The following MOG variants were observed in gnomAD, a reference collection of about 807,000 sequenced individuals.
MOG encodes myelin oligodendrocyte glycoprotein.
Under a neutral mutation model 35.9 loss-of-function variants are expected in MOG, and 20 were observed. The ratio of observed to expected loss-of-function variants is 0.56; its 90% CI spans 0.39 to 0.81. The LOEUF (loss-of-function observed/expected upper bound fraction) is 0.81. Ranked by LOEUF, MOG falls within the 30% of genes least tolerant of loss-of-function variation. The pLI is 0.00. For missense variants in MOG, 251 were observed against 301.0 expected (o/e 0.83, Z 1.23); for synonymous variants, 92 against 114.3 (o/e 0.80, Z 1.25).
At chr6:29,660,456 G>A (rs2535262) in intron 2 of MOG, among the ~76,000 whole-genome samples, 25,577 of 148,110 alleles carry the variant, frequency 0.17, 2,479 homozygotes, top group Admixed American at 0.24. Context: ...GCGTGAACCC[G>A]GAAGCGGAGG....
At position 29,670,014 on chromosome 6, in the gene MOG, C is replaced by A. The variant is rs563767091; in HGVS notation, c.593-267C>A. 2.9e-6 allele frequency: 2 copies of A among 701,600 alleles called. No individual in the cohort carries two copies. The highest frequency in any genetic ancestry group is 2.7e-5 in the East Asian group (1 of 37,194). 43.5% of individuals were successfully genotyped at this position (701,600 alleles called of 1,614,324 possible). ...TTGAACTCTTGGCCTCATGATCCAC[C>A]CGTCTCGGACTCCCAGAGTGTTGGG... On this transcript the variant is annotated intron_variant, in intron 5 of 7. Coordinates refer to ENST00000376917, the MANE Select transcript of MOG (RefSeq NM_206809.4). This position sits in a 1 kb window ranked among gnomAD's most constrained non-coding sequence, Gnocchi z 4.2.
chr6:29,670,285 C>T lies in MOG; in HGVS notation c.597C>T (p.Pro199=). 1 of 1,614,092 alleles carries T rather than the reference C, an allele frequency of 6.2e-7. No homozygotes were observed. The highest frequency in any genetic ancestry group is 8.5e-7 in the Non-Finnish European group (1 of 1,180,026). Residue 199 remains proline, a synonymous_variant, in exon 6 of 8, where the codon CCC becomes CCT. Coordinates refer to ENST00000376917, the MANE Select transcript of MOG (RefSeq NM_206809.4). This position sits in a 1 kb window ranked among gnomAD's most constrained non-coding sequence, Gnocchi z 4.2. ...TTGTTCTGGTGAACAATTCAGATCC[C>T]CACTTTCTGAGGGTGCCCTGCTGGA... ...EIENLHRTFD[P]HFLRVPCWKI... is the part of the protein sequence containing the mutation.
In MOG at chr6:29,670,952, C is replaced by A. The variant is rs781506128; in HGVS notation, c.731-220C>A. ...AGCTGGAGGCACTCCTATCTGCCAC[C>A]TGATCCATTCCTCCTTCACTGCCCC... On this transcript the variant is annotated intron_variant, in intron 7 of 7. Coordinates refer to ENST00000376917, the MANE Select transcript of MOG (RefSeq NM_206809.4). This position sits in a 1 kb window ranked among gnomAD's most constrained non-coding sequence, Gnocchi z 4.2. The A allele has an allele frequency of 6.2e-7, 1 of 1,612,174 alleles. No homozygotes were observed. Among genetic ancestry groups the A allele is most frequent in the African/African-American group, 1.3e-5 (1 of 75,018 alleles).
intron 2 of MOG, chr6:29,664,647 C>A: frequency 2.2e-6 from 1 of 451,402 alleles, no homozygotes; most frequent in East Asian, 7.1e-5. Flanking sequence ...CTCTGTCACC[C>A]AGGATTGGTT....
intron 5 of MOG, among the ~76,000 whole-genome samples, chr6:29,668,862 C>T (rs1441979175): frequency 6.6e-6 from 1 of 151,552 alleles, no homozygotes; most frequent in African/African-American, 2.4e-5. Flanking sequence ...ATTGCAAAAA[C>T]AATCATTGTA....
Position 29,667,720 on chromosome 6 carries a change from G to A in MOG, c.571+57G>A, listed in dbSNP as rs967487163. 1.6e-5 allele frequency: 26 copies of A among 1,605,306 alleles called. No individual in the cohort carries two copies. In the Admixed American group the frequency reaches 4.2e-4, roughly 26 times the overall value. On this transcript the variant is annotated intron_variant, in intron 4 of 7. Transcript: ENST00000376917. Reference sequence around the variant, plus strand: ...TGCCTTTTGGTTTTTTGGCATAACGGAAATGGTCCCGTTCTTGGACCGTCT... The same window carrying A: ...TGCCTTTTGGTTTTTTGGCATAACGAAAATGGTCCCGTTCTTGGACCGTCT...
In MOG at chr6:29,670,559, T is replaced by C; in HGVS notation, c.710-142T>C. On this transcript the variant is annotated intron_variant, in intron 6 of 7. Coordinates refer to ENST00000376917, the MANE Select transcript of MOG (RefSeq NM_206809.4). This position sits in a 1 kb window ranked among gnomAD's most constrained non-coding sequence, Gnocchi z 4.2. The stretch of plus-strand genomic sequence containing the variant: ...CCAACCCCAGGCTCTTCTGAGAAAC[T>C]GTGAAGAGAACCACTTACTGGATCT... 3 of 1,556,522 alleles carry C rather than the reference T, an allele frequency of 1.9e-6. No homozygotes were observed. Among genetic ancestry groups the C allele is most frequent in the Non-Finnish European group, 2.6e-6 (3 of 1,140,020 alleles).
In MOG at chr6:29,662,715, T is replaced by G. The variant is rs1358825107; in HGVS notation, c.436+3049T>G. Reference sequence around the variant, plus strand: ...TCTGTCTCTGTCACCCAGGCTGGAGTGTAGTGGCATATCTCTGCTCACTGC... The same window carrying G: ...TCTGTCTCTGTCACCCAGGCTGGAGGGTAGTGGCATATCTCTGCTCACTGC... On this transcript the variant is annotated intron_variant, in intron 2 of 7. Coordinates refer to ENST00000376917, the MANE Select transcript of MOG (RefSeq NM_206809.4). The surrounding 1 kb of genome is among the most constrained non-coding windows in gnomAD (Gnocchi z 4.2). Among the ~76,000 whole-genome samples, 1 of 152,072 alleles carries G rather than the reference T, an allele frequency of 6.6e-6. No individual in the cohort carries two copies. Among genetic ancestry groups the G allele is most frequent in the Non-Finnish European group, 1.5e-5 (1 of 68,014 alleles).
At chr6:29,667,448 T>G (rs1000261750) in intron 3 of MOG, among the ~76,000 whole-genome samples, 195 bp from the exon 4 acceptor site, 2 of 152,114 alleles carry the variant, frequency 1.3e-5, no homozygotes, top group African/African-American at 4.8e-5. Context: ...CTTTATTCGC[T>G]ATTGTATCTA....
rs1583162391 is a variant in MOG at position 29,670,226 on chromosome 6, G to A, written c.593-55G>A. On this transcript the variant is annotated intron_variant, in intron 5 of 7. Transcript: ENST00000376917. The surrounding 1 kb of genome is among the most constrained non-coding windows in gnomAD (Gnocchi z 4.2). ...TTAAGGAACCAAAAAAGACAGGTGG[G>A]TGGGGCATGAGGGGGAACACATGTT... is the stretch of plus-strand genomic sequence containing the variant. 2.5e-6 allele frequency: 4 copies of A among 1,614,208 alleles called. No homozygotes were observed. Among genetic ancestry groups the A allele is most frequent in the East Asian group, 2.2e-5 (1 of 44,890 alleles).
intron 5 of MOG, among the ~76,000 whole-genome samples, chr6:29,668,753 C>T (rs1770763453): frequency 6.6e-6 from 1 of 152,170 alleles, no homozygotes; most frequent in Non-Finnish European, 1.5e-5. Context: ...AAGGTCTTAA[C>T]TCCTTTTTGT....
Position 29,670,785 on chromosome 6 carries a change from C to A in MOG, c.730+64C>A. 6.2e-7 allele frequency: 1 copy of A among 1,602,338 alleles called. No homozygotes were observed. Among genetic ancestry groups the A allele is most frequent in the Non-Finnish European group, 8.5e-7 (1 of 1,174,206 alleles). The stretch of plus-strand genomic sequence containing the variant: ...AGCCAGGAAAGGGAGACAGAAGCAA[C>A]AAGAGGAAGAGGCGGGCTATTGAGG... On this transcript the variant is annotated intron_variant, in intron 7 of 7. Coordinates refer to ENST00000376917, the MANE Select transcript of MOG (RefSeq NM_206809.4). The surrounding 1 kb of genome is among the most constrained non-coding windows in gnomAD (Gnocchi z 4.2).
chr6:29,667,599 G>A, intron 3 of MOG, 44 bp from the exon 4 acceptor site: 1 of 1,613,438 alleles, frequency 6.2e-7, no homozygotes, highest in Non-Finnish European at 8.5e-7. Flanking sequence ...CCCACCGAGA[G>A]CCAGAACATG....
At chr6:29,657,663 CTTTT>C (rs9278226) in intron 1 of MOG, among the ~76,000 whole-genome samples, 16 of 110,010 alleles carry the variant, frequency 1.5e-4, no homozygotes, top group East Asian at 1.0e-3. Context: ...TTTTTCTTTT[CTTTT>C]TTTTTTTTTT....
At chr6:29,664,588 T>C in intron 2 of MOG, 3 of 450,388 alleles carry the variant, frequency 6.7e-6, no homozygotes, top group Non-Finnish European at 1.3e-5. Context: ...CTGATGAAGT[T>C]GATAGACCCA....
chr6:29,666,176 G>C lies in MOG; in HGVS notation c.461G>C (p.Gly154Ala), dbSNP rs757092737. The C allele has an allele frequency of 4.3e-6, 7 of 1,612,806 alleles. No individual in the cohort carries two copies. The highest frequency in any genetic ancestry group is 3.3e-5 in the Admixed American group (2 of 60,022). ...VEDPFYWVSP[G>A]VLVLLAVLPV... ...GATCCTTTCTACTGGGTGAGCCCTGGAGTGCTGGTTCTCCTCGCGGTGCTG... is the reference window on the plus strand; with the variant it reads ...GATCCTTTCTACTGGGTGAGCCCTGCAGTGCTGGTTCTCCTCGCGGTGCTG... The change falls in exon 3 of 8, where the codon GGA becomes GCA. Residue 154 changes from glycine to alanine, a missense_variant. Physicochemically the swap from Gly to Ala is moderately conservative, Grantham distance 60. Coordinates refer to ENST00000376917, the MANE Select transcript of MOG (RefSeq NM_206809.4).
rs971094758 is a variant in MOG at position 29,659,841 on chromosome 6, T to C, written c.436+175T>C. 14 of 651,994 alleles carry C rather than the reference T, an allele frequency of 2.1e-5. No individual in the cohort carries two copies. The African/African-American group carries it at 2.5e-4, about 12-fold the overall frequency. The allele number at this position is 651,994 out of a possible 1,614,324, so 40.4% of individuals were successfully genotyped here. A position where few individuals can be genotyped will look rare whatever the true frequency, so the allele number is the denominator to read the frequency against. On this transcript the variant is annotated intron_variant, in intron 2 of 7. Coordinates refer to ENST00000376917, the MANE Select transcript of MOG (RefSeq NM_206809.4). ...CTTAGGGATGTCTGTTGCATCATTATTCAGAGTAGCAAGGAAATTGGGATC... is the reference window on the plus strand; with the variant it reads ...CTTAGGGATGTCTGTTGCATCATTACTCAGAGTAGCAAGGAAATTGGGATC...
chr6:29,660,834 G>A lies in MOG; in HGVS notation c.436+1168G>A, dbSNP rs530113139. Reference sequence around the variant, plus strand: ...AGTGATTCTCCTGCCTCAGCCTCCCGAGTAGCTGAGATTACAGGTGCCCAC... The same window carrying A: ...AGTGATTCTCCTGCCTCAGCCTCCCAAGTAGCTGAGATTACAGGTGCCCAC... On this transcript the variant is annotated intron_variant, in intron 2 of 7. Transcript: ENST00000376917. Among the ~76,000 whole-genome samples, 779 of 150,206 alleles carry A rather than the reference G, an allele frequency of 5.2e-3. 10 individuals are homozygous for A. Among genetic ancestry groups the A allele is most frequent in the African/African-American group, 0.018 (719 of 40,766 alleles).
chr6:29,664,214 A>ATTT lies in MOG; in HGVS notation c.437-1930_437-1928dup, dbSNP rs759286771. 5.7e-5 allele frequency among the ~76,000 whole-genome samples: 8 copies of ATTT among 139,644 alleles called. No homozygotes were observed. In the East Asian group the frequency reaches 1.6e-3, roughly 27 times the overall value. 91.6% of individuals were successfully genotyped at this position (139,644 alleles called of 152,430 possible). On this transcript the variant is annotated intron_variant, in intron 2 of 7. Transcript: ENST00000376917. ...TCTTTTTTCTTTTATTTATTTATTT[A>ATTT]TTTTTTTTTTGAGATGGAGTTTTGC...
Sources: gnomAD v4.1 joint callset for allele counts (sites outside exome capture counted in the v4.1 genomes callset) on GRCh38, gnomAD v4.1.1 for gene constraint, Gnocchi (gnomAD v3.1) non-coding constraint, MANE v1.5 for transcripts, NCBI Gene and HGNC (gene_info 2026-07-23, HGNC 2026-07-21) for gene names.